RCAN2: variants seen among roughly 807,000 people sequenced by gnomAD.
RCAN2 encodes calcipressin-2.
RCAN2 carries 9 observed loss-of-function variants against 23.6 expected under a neutral mutation model. The observed-to-expected ratio is 0.38, with a 90% CI of 0.23 to 0.67. The LOEUF is 0.67. Among genes scored for constraint, RCAN2 ranks in the 30% least tolerant of loss-of-function variants. The pLI is 0.51. For missense variants in RCAN2, 273 were observed against 302.3 expected, an observed-to-expected ratio of 0.90 and a Z score of 0.72; for synonymous variants, 109 against 115.7, an observed-to-expected ratio of 0.94 and a Z score of 0.37.
chr6:46,400,621 A>G (rs183844558), intron 2 of RCAN2, among the ~76,000 whole-genome samples: 47 of 152,328 alleles, frequency 3.1e-4, no homozygotes, highest in Admixed American at 3.9e-4. Flanking sequence ...TAACTTTAGC[A>G]AAGAGCATCT....
chr6:46,450,708 C>A (rs1767850475), intron 2 of RCAN2, among the ~76,000 whole-genome samples: 1 of 151,918 alleles, frequency 6.6e-6, no homozygotes, highest in African/African-American at 2.4e-5. Flanking sequence ...ATTACATAAT[C>A]TCACTTACAT....
intron 2 of RCAN2, among the ~76,000 whole-genome samples, chr6:46,359,447 T>TA (rs1324354151): frequency 2.6e-5 from 4 of 152,224 alleles, no homozygotes; most frequent in Non-Finnish European, 4.4e-5. Flanking sequence ...AGTCTAAAGA[T>TA]ATTTGTCAGT....
Position 46,246,939 on chromosome 6 carries a change from T to C in RCAN2, c.400-20A>G. 1 of 1,487,838 alleles carries C rather than the reference T, an allele frequency of 6.7e-7. No homozygotes were observed. The highest frequency in any genetic ancestry group is 2.4e-5 in the East Asian group (1 of 41,064). The allele number at this position is 1,487,838 out of a possible 1,614,324, so 92.2% of individuals were successfully genotyped here. On this transcript the variant is annotated intron_variant, in intron 3 of 4. Transcript: ENST00000371374. ...CTGAACCTTTCAAATAGAGTAGAGA[T>C]GAAGAAACTTATTCATCATGGCTTC...
intron 1 of RCAN2, among the ~76,000 whole-genome samples, chr6:46,461,648 C>A (rs545393171): frequency 3.3e-5 from 5 of 151,278 alleles, no homozygotes; most frequent in Admixed American, 6.6e-5. Flanking sequence ...TACAATGGCA[C>A]GATCTTGACT....
At chr6:46,405,849 G>A (rs543083498) in intron 2 of RCAN2, among the ~76,000 whole-genome samples, 3 of 152,342 alleles carry the variant, frequency 2.0e-5, no homozygotes, top group Admixed American at 1.3e-4. Context: ...GGGCCGCACA[G>A]GAGCCCATGG....
intron 1 of RCAN2, among the ~76,000 whole-genome samples, chr6:46,461,755 T>C (rs902920368): frequency 6.6e-6 from 1 of 152,092 alleles, no homozygotes; most frequent in African/African-American, 2.4e-5. Flanking sequence ...CCAGCTAATT[T>C]TGTATTTTTT....
chr6:46,450,243 G>T (rs563282041), intron 2 of RCAN2, among the ~76,000 whole-genome samples: 2 of 152,038 alleles, frequency 1.3e-5, no homozygotes, highest in East Asian at 1.9e-4. Context: ...AAATTATACC[G>T]CAATGAAATA....
At chr6:46,226,715 A>T (rs183277400) in intron 4 of RCAN2, among the ~76,000 whole-genome samples, 118 of 152,332 alleles carry the variant, frequency 7.7e-4, no homozygotes, top group African/African-American at 2.8e-3. Context: ...TAAATATACA[A>T]TCATGTCATC....
intron 4 of RCAN2, among the ~76,000 whole-genome samples, chr6:46,230,953 T>C (rs1765864793): frequency 6.6e-6 from 1 of 152,178 alleles, no homozygotes; most frequent in Non-Finnish European, 1.5e-5. Context: ...GGAACACTGA[T>C]AATGCAATAA....
At chr6:46,468,419 G>A (rs1191370669) in intron 1 of RCAN2, among the ~76,000 whole-genome samples, 2 of 151,984 alleles carry the variant, frequency 1.3e-5, no homozygotes, top group Non-Finnish European at 2.9e-5. Context: ...TTCCAACTTA[G>A]ATGAAAACCC....
intron 2 of RCAN2, among the ~76,000 whole-genome samples, chr6:46,424,159 TTA>T (rs1766970166): frequency 6.6e-6 from 1 of 152,200 alleles, no homozygotes; most frequent in Non-Finnish European, 1.5e-5. Flanking sequence ...TTACATAGAC[TTA>T]TATAGAACTT....
chr6:46,282,843 GGTTCTGGCCCCAAGTC>G (rs777112893), intron 2 of RCAN2, among the ~76,000 whole-genome samples: 1 of 152,148 alleles, frequency 6.6e-6, no homozygotes, highest in South Asian at 2.1e-4. Context: ...GCAAAGGCAG[GGTTCTGGCCCCAAGTC>G]AAATCTGCCT....
At chr6:46,370,061 A>G (rs533053395) in intron 2 of RCAN2, among the ~76,000 whole-genome samples, 1 of 152,286 alleles carries the variant, frequency 6.6e-6, no homozygotes, top group East Asian at 1.9e-4. Context: ...TGTGGTTAAC[A>G]GCTCTTAACT....
chr6:46,417,094 C>A (rs1291964781), intron 2 of RCAN2, among the ~76,000 whole-genome samples: 2 of 152,152 alleles, frequency 1.3e-5, no homozygotes, highest in Non-Finnish European at 1.5e-5. Context: ...TATTGCTTTA[C>A]TATTTCCTTC....
chr6:46,258,075 A>G (rs1156518666), intron 2 of RCAN2, among the ~76,000 whole-genome samples: 1 of 152,238 alleles, frequency 6.6e-6, no homozygotes, highest in Non-Finnish European at 1.5e-5. Context: ...AATTGCTTTA[A>G]TAAGAAATTT....
intron 2 of RCAN2, among the ~76,000 whole-genome samples, chr6:46,425,272 A>C (rs2150414141): frequency 6.6e-6 from 1 of 152,386 alleles, no homozygotes; most frequent in Non-Finnish European, 1.5e-5. Context: ...AAAGTTTTAA[A>C]GCACAGGAAT....
intron 2 of RCAN2, among the ~76,000 whole-genome samples, chr6:46,336,932 A>G (rs1764162092): frequency 1.3e-5 from 2 of 149,654 alleles, no homozygotes; most frequent in Non-Finnish European, 3.0e-5. Flanking sequence ...TAAAGTGAGG[A>G]GAAAAACATA....
intron 2 of RCAN2, among the ~76,000 whole-genome samples, chr6:46,266,257 T>C (rs1255886217): frequency 6.6e-6 from 1 of 152,220 alleles, no homozygotes; most frequent in African/African-American, 2.4e-5. Flanking sequence ...GAATTACCAG[T>C]ACTGTTCTTG....
chr6:46,344,004 A>T (rs1224061027), intron 2 of RCAN2, among the ~76,000 whole-genome samples: 1 of 152,244 alleles, frequency 6.6e-6, no homozygotes, highest in African/African-American at 2.4e-5. Flanking sequence ...TTCCATTCAT[A>T]TGAAATGTCC....
Sources: allele counts gnomAD v4.1 joint callset (sites outside exome capture counted in the v4.1 genomes callset), GRCh38; gene constraint gnomAD v4.1.1; transcripts MANE v1.5; gene names NCBI Gene and HGNC (gene_info 2026-07-23, HGNC 2026-07-21).